Variants in NUDT2 observed in about 807,000 individuals in gnomAD.
NUDT2 encodes nudix hydrolase 2, also known as bis(5'-nucleosyl)-tetraphosphatase [asymmetrical].
A neutral mutation model predicts 14.2 loss-of-function variants in NUDT2; 12 were observed. That is an observed-to-expected ratio of 0.84 (90% CI 0.54 to 1.37). The LOEUF (loss-of-function observed/expected upper bound fraction) is 1.37. Among genes scored for constraint, NUDT2 ranks in the 40% most tolerant of loss-of-function variants. The probability of loss-of-function intolerance (pLI) is 0.00; values close to 1 mark genes in which losing one functional copy is unlikely to be tolerated. For missense variants in NUDT2, 167 were observed against 176.7 expected, an observed-to-expected ratio of 0.95 and a Z score of 0.31; for synonymous variants, 67 against 67.4, an observed-to-expected ratio of 0.99 and a Z score of 0.03.
At chr9:34,334,323 T>C (rs1160088495) in intron 1 of NUDT2, among the ~76,000 whole-genome samples, 1 of 152,228 alleles carries the variant, frequency 6.6e-6, no homozygotes, top group Non-Finnish European at 1.5e-5. Context: ...TTCAGGTTTT[T>C]TCTAACCACC....
At chr9:34,341,474 T>C (rs1261715425) in intron 4 of NUDT2, among the ~76,000 whole-genome samples, 1 of 152,208 alleles carries the variant, frequency 6.6e-6, no homozygotes, top group Non-Finnish European at 1.5e-5. Flanking sequence ...CCAGAAGCTA[T>C]AAGCTAGAAT....
chr9:34,337,238 G>A (rs1349862922), intron 2 of NUDT2, among the ~76,000 whole-genome samples: 7 of 152,048 alleles, frequency 4.6e-5, no homozygotes, highest in Admixed American at 4.6e-4. Flanking sequence ...GACCTCAGGT[G>A]ATCTACCCGC....
chr9:34,336,523 G>T (rs1838091789), intron 2 of NUDT2, among the ~76,000 whole-genome samples, 182 bp downstream of exon 2: 1 of 151,998 alleles, frequency 6.6e-6, no homozygotes, highest in Non-Finnish European at 1.5e-5. Flanking sequence ...AGTACATTAG[G>T]CTTGACCTAA....
chr9:34,343,449 G>A lies in NUDT2; in HGVS notation c.*9G>A. The A allele has an allele frequency of 6.4e-7, 1 of 1,553,858 alleles. No individual in the cohort carries two copies. Among genetic ancestry groups the A allele is most frequent in the Non-Finnish European group, 8.7e-7 (1 of 1,148,942 alleles). The stretch of plus-strand genomic sequence containing the variant: ...GCTCCATAGAGGCCTGAGCTGACTG[G>A]AGCAGAGTCATTTGCTTCAGCAGGA... On this transcript the variant is annotated 3_prime_UTR_variant, in exon 5 of 5. Coordinates refer to ENST00000379158, the MANE Select transcript of NUDT2 (RefSeq NM_001161.5).
intron 1 of NUDT2, among the ~76,000 whole-genome samples, chr9:34,335,521 G>A (rs914201745): frequency 6.6e-6 from 1 of 152,254 alleles, no homozygotes; most frequent in African/African-American, 2.4e-5. Flanking sequence ...AAGCCAGAAA[G>A]CTTCACAGAG....
At chr9:34,340,527 G>A (rs1838205051) in intron 4 of NUDT2, among the ~76,000 whole-genome samples, 1 of 152,238 alleles carries the variant, frequency 6.6e-6, no homozygotes, top group African/African-American at 2.4e-5. Flanking sequence ...AGTCGGGCAA[G>A]TCTCCAGTGG....
At chr9:34,343,053 G>T (rs1820232779) in intron 4 of NUDT2, 71 bp from the exon 5 acceptor site, 3 of 1,382,744 alleles carry the variant, frequency 2.2e-6, no homozygotes, top group African/African-American at 2.9e-5. Context: ...AAAAAATCTT[G>T]TCTGGAAAAT....
At chr9:34,336,655 C>T (rs1301366742) in intron 2 of NUDT2, among the ~76,000 whole-genome samples, 1 of 152,136 alleles carries the variant, frequency 6.6e-6, no homozygotes, top group African/African-American at 2.4e-5. Context: ...AATCTTCCCA[C>T]GTTGGCCTCC....
In NUDT2 at chr9:34,343,381, AAGG is replaced by A; in HGVS notation, c.388_390del (p.Glu130del). ...GGAGGCCTGCCAGTTGGCTCAGTTC[AAGG>A]AGATGAAGGCAGCGCTCCAAGAAGG... On this transcript the variant is annotated inframe_deletion, in exon 5 of 5. Transcript: ENST00000379158. 6.2e-7 allele frequency: 1 copy of A among 1,613,398 alleles called. No individual in the cohort carries two copies. The highest frequency in any genetic ancestry group is 2.2e-5 in the East Asian group (1 of 44,834).
rs1316276620 is a variant in NUDT2, at chr9:34,332,438, G to C, written c.-265+2839G>C. On this transcript the variant is annotated intron_variant, in intron 1 of 4. Coordinates refer to ENST00000379158, the MANE Select transcript of NUDT2 (RefSeq NM_001161.5). ...ACTTTCACTAGCCTGTAAATCTCTA[G>C]GAAGTTGGTGCTTGGTAGTATTCAG... Among the ~76,000 whole-genome samples the C allele has an allele frequency of 2.6e-5, 4 of 152,158 alleles. No individual in the cohort carries two copies. In the East Asian group the frequency reaches 7.7e-4, roughly 29 times the overall value.
Position 34,343,469 on chromosome 9 carries a change from G to T in NUDT2, c.*29G>T. ...GACTGGAGCAGAGTCATTTGCTTCA[G>T]CAGGATCCTTGTGGGCCTTCTAAGA... is the stretch of plus-strand genomic sequence containing the variant. On this transcript the variant is annotated 3_prime_UTR_variant, in exon 5 of 5. Transcript: ENST00000379158. 1 of 1,528,220 alleles carries T rather than the reference G, an allele frequency of 6.5e-7. No individual in the cohort carries two copies. The highest frequency in any genetic ancestry group is 1.3e-5 in the South Asian group (1 of 76,920). The allele number at this position is 1,528,220 out of a possible 1,614,324, so 94.7% of individuals were successfully genotyped here. A position where few individuals can be genotyped will look rare whatever the true frequency, so the allele number is the denominator to read the frequency against.
At chr9:34,333,749 C>T (rs1213668923) in intron 1 of NUDT2, among the ~76,000 whole-genome samples, 1 of 151,568 alleles carries the variant, frequency 6.6e-6, no homozygotes, top group Non-Finnish European at 1.5e-5. Context: ...TGTCCTAAGC[C>T]CTACTCTTTC....
chr9:34,343,047 A>AT (rs1332595130), intron 4 of NUDT2, 77 bp from the exon 5 acceptor site: 1 of 1,406,178 alleles, frequency 7.1e-7, no homozygotes, highest in African/African-American at 1.5e-5. Context: ...AAAAAAAAAA[A>AT]ATCTTGTCTG....
At chr9:34,340,924 C>A (rs1327087229) in intron 4 of NUDT2, among the ~76,000 whole-genome samples, 2 of 151,894 alleles carry the variant, frequency 1.3e-5, no homozygotes, top group East Asian at 3.9e-4. Context: ...GTGATCTGCC[C>A]ACTTGGTCTC....
chr9:34,333,227 G>A (rs1460388166), intron 1 of NUDT2, among the ~76,000 whole-genome samples: 1 of 152,112 alleles, frequency 6.6e-6, no homozygotes, highest in Non-Finnish European at 1.5e-5. Context: ...GTCTTCTTCG[G>A]ATACCAGGAT....
At chr9:34,341,001 T>A (rs778206754) in intron 4 of NUDT2, among the ~76,000 whole-genome samples, 12 of 151,158 alleles carry the variant, frequency 7.9e-5, no homozygotes, top group Non-Finnish European at 1.6e-4. Context: ...TAAAAGGGAG[T>A]GGGGTTAGAA....
chr9:34,343,188 C>T lies in NUDT2; in HGVS notation c.192C>T (p.Gly64=), dbSNP rs1395161229. The change falls in exon 5 of 5, where the codon GGC becomes GGT. Residue 64 remains glycine (G), a synonymous_variant. Coordinates refer to ENST00000379158, the MANE Select transcript of NUDT2 (RefSeq NM_001161.5). The part of the protein sequence containing the change: ...TALRETQEEA[G]IEAGQLTIIE... The stretch of plus-strand genomic sequence containing the variant: ...TGAGGGAGACCCAAGAGGAAGCAGG[C>T]ATAGAAGCAGGCCAGCTGACCATTA... The T allele has an allele frequency of 1.2e-6, 2 of 1,614,014 alleles. No individual in the cohort carries two copies. Among genetic ancestry groups the T allele is most frequent in the Admixed American group, 1.7e-5 (1 of 59,986 alleles).
chr9:34,336,460 A>G (rs935428219), intron 2 of NUDT2, 119 bp downstream of exon 2: 1 of 152,206 alleles, frequency 6.6e-6, no homozygotes, highest in African/African-American at 2.4e-5. Context: ...TTCATTATAC[A>G]TGCTATTCAG....
At position 34,343,505 on chromosome 9, in the gene NUDT2, C is replaced by G; in HGVS notation, c.*65C>G. On this transcript the variant is annotated 3_prime_UTR_variant, in exon 5 of 5. Coordinates refer to ENST00000379158, the MANE Select transcript of NUDT2 (RefSeq NM_001161.5). ...GTGGGCCTTCTAAGATGAAGCCACC[C>G]TCAGGTCCAGGGAAGGTTGTGCTGG... 7.2e-7 allele frequency: 1 copy of G among 1,394,558 alleles called. No individual in the cohort carries two copies. The highest frequency in any genetic ancestry group is 9.6e-7 in the Non-Finnish European group (1 of 1,040,134). The allele number at this position is 1,394,558 out of a possible 1,614,324, so 86.4% of individuals were successfully genotyped here.
Sources: allele counts gnomAD v4.1 joint callset (sites outside exome capture counted in the v4.1 genomes callset), GRCh38; gene constraint gnomAD v4.1.1; transcripts MANE v1.5; gene names NCBI Gene and HGNC (gene_info 2026-07-23, HGNC 2026-07-21).